Variants in NAPSA observed in about 807,000 individuals in gnomAD.
The protein encoded by NAPSA is napsin-A.
In NAPSA, 37 loss-of-function variants were observed where a neutral mutation model predicts 36.7. The ratio of observed to expected loss-of-function variants is 1.01; its 90% CI spans 0.78 to 1.33. The LOEUF (loss-of-function observed/expected upper bound fraction) is 1.33. NAPSA is among the 40% of genes most tolerant of loss of function. The pLI is 0.00. For missense variants in NAPSA, 532 were observed against 543.8 expected (o/e 0.98, Z 0.21); for synonymous variants, 222 against 234.5 (o/e 0.95, Z 0.49).
At chr19:50,364,343 C>T (rs1170666270) in intron 1 of NAPSA, among the ~76,000 whole-genome samples, 1 of 141,178 alleles carries the variant, frequency 7.1e-6, no homozygotes, top group Non-Finnish European at 1.5e-5. Context: ...AGGCCAGGCG[C>T]GGTGGCTTAC....
At position 50,361,819 on chromosome 19, in the gene NAPSA, A is replaced by G. The variant is rs1393228923; in HGVS notation, c.350-38T>C. The G allele has an allele frequency of 3.8e-6, 6 of 1,585,872 alleles. No homozygotes were observed. In the African/African-American group the frequency reaches 4.0e-5, roughly 11 times the overall value. ...TCAGAAAGGTGTCATGGGGGAGGGA[A>G]TCTCCCCAGTGCCTACTGCCCCTTT... On this transcript the variant is annotated intron_variant, in intron 3 of 8. Coordinates refer to ENST00000253719, the MANE Select transcript of NAPSA (RefSeq NM_004851.3).
chr19:50,359,622 G>A lies in NAPSA; in HGVS notation c.817C>T (p.Leu273Phe), dbSNP rs1568585450. Residue 273 changes from leucine (L) to phenylalanine (F), a missense_variant, in exon 7 of 9, where the codon CTC becomes TTC. Leu to Phe is a conservative substitution (Grantham distance 22). This residue lies in a region of NAPSA where 385 missense variants were observed against 371.5 expected (regional missense o/e 1.04). Coordinates refer to ENST00000253719, the MANE Select transcript of NAPSA (RefSeq NM_004851.3). ...ERVKVGPGLTLCAKGCAAILD... is the reference protein window; with the variant it reads ...ERVKVGPGLTFCAKGCAAILD... Reference sequence around the variant, plus strand: ...ATGGCAGCACAGCCCTTGGCACAGAGAGTCAGCCCTGGGCCCACCTTCACA... The same window carrying A: ...ATGGCAGCACAGCCCTTGGCACAGAAAGTCAGCCCTGGGCCCACCTTCACA... 1 of 1,614,232 alleles carries A rather than the reference G, an allele frequency of 6.2e-7. No individual in the cohort carries two copies. The highest frequency in any genetic ancestry group is 1.3e-5 in the African/African-American group (1 of 75,074).
chr19:50,360,292 C>G (rs1405084111), intron 5 of NAPSA, among the ~76,000 whole-genome samples: 1 of 151,940 alleles, frequency 6.6e-6, no homozygotes, highest in Non-Finnish European at 1.5e-5. Context: ...TGGCTGAGAG[C>G]GATGGGAACA....
rs774738915 is a variant in NAPSA, at chr19:50,363,257, A to G, written c.84-944T>C. Reference sequence around the variant, plus strand: ...GAAGTGTACACCCCTCCCCCTACCAAGAGTTCCAGGGAATGAAGACAAGAG... The same window carrying G: ...GAAGTGTACACCCCTCCCCCTACCAGGAGTTCCAGGGAATGAAGACAAGAG... On this transcript the variant is annotated intron_variant, in intron 1 of 8. Coordinates refer to ENST00000253719, the MANE Select transcript of NAPSA (RefSeq NM_004851.3). 6.4e-4 allele frequency among the ~76,000 whole-genome samples: 98 copies of G among 152,254 alleles called. 1 individual carries two copies. Among genetic ancestry groups the G allele is most frequent in the Middle Eastern group, 3.4e-3 (1 of 294 alleles).
At position 50,360,366 on chromosome 19, in the gene NAPSA, A is replaced by G. The variant is rs145552070; in HGVS notation, c.669-504T>C. On this transcript the variant is annotated intron_variant, in intron 5 of 8. Coordinates refer to ENST00000253719, the MANE Select transcript of NAPSA (RefSeq NM_004851.3). ...CTGCTAGGTGGTTGGTAGAACTGCT[A>G]GAGTGGGTTGGATGTCAGGGTAACT... is the stretch of plus-strand genomic sequence containing the variant. 5.2e-3 allele frequency among the ~76,000 whole-genome samples: 786 copies of G among 152,242 alleles called. 6 individuals are homozygous for G. The highest frequency in any genetic ancestry group is 0.017 in the African/African-American group (719 of 41,548).
chr19:50,360,803 G>A (rs1454078270), intron 5 of NAPSA, 138 bp downstream of exon 5: 1 of 814,198 alleles, frequency 1.2e-6, no homozygotes, highest in African/African-American at 1.7e-5. Context: ...TGTATTGAAT[G>A]GCTGACTTCC....
intron 1 of NAPSA, among the ~76,000 whole-genome samples, chr19:50,363,113 C>T (rs2037499034): frequency 6.6e-6 from 1 of 152,210 alleles, no homozygotes; most frequent in Non-Finnish European, 1.5e-5. Flanking sequence ...GTAATATCTT[C>T]GTTCCTGCCT....
rs1378277536 is a variant in NAPSA, at chr19:50,358,607, A to G, written c.1209T>C (p.Thr403=). Residue 403 remains threonine, a synonymous_variant, in exon 9 of 9, where the codon ACT becomes ACC. Transcript: ENST00000253719. ...CTCCCCATCCGAGGTCCGCTCCGCG[A>G]GTGCGAGCGCGCGCCAGGCCCACCC... The part of the protein sequence containing the change: ...SARVGLARAR[T]RGADLGWGET... The G allele has an allele frequency of 4.3e-6, 7 of 1,612,076 alleles. No homozygotes were observed. Among genetic ancestry groups the G allele is most frequent in the African/African-American group, 1.3e-5 (1 of 75,010 alleles).
chr19:50,368,972 G>A (rs1310191701), upstream of NAPSA, among the ~76,000 whole-genome samples: 1 of 152,220 alleles, frequency 6.6e-6, no homozygotes, highest in Non-Finnish European at 1.5e-5. Context: ...GAGATCTCCT[G>A]CCGAACACGG....
intron 1 of NAPSA, chr19:50,362,558 AAAT>A (rs2123614595): frequency 5.5e-6 from 2 of 360,918 alleles, no homozygotes; most frequent in African/African-American, 4.2e-5. Flanking sequence ...AAATCCCTTA[AAAT>A]AAGCTATTCC....
chr19:50,361,068 C>T lies in NAPSA; in HGVS notation c.541G>A (p.Ala181Thr). 1 of 1,614,132 alleles carries T rather than the reference C, an allele frequency of 6.2e-7. No individual in the cohort carries two copies. Among genetic ancestry groups the T allele is most frequent in the Non-Finnish European group, 8.5e-7 (1 of 1,180,024 alleles). The change falls in exon 5 of 9, where the codon GCC becomes ACC. Residue 181 changes from alanine to threonine, a missense_variant. Transcript: ENST00000253719. ...LWEPSLVFAF[A>T]HFDGILGLGF... ...AGGCCCAATATCCCATCAAAATGGG[C>T]AAAAGCGAAGACCAGGCTGGGCTCC...
intron 1 of NAPSA, chr19:50,362,544 G>T (rs1243402995): frequency 2.6e-6 from 1 of 392,008 alleles, no homozygotes; most frequent in Non-Finnish European, 4.5e-6. Flanking sequence ...ACCTTTCCAT[G>T]TCCAAATCCC....
At chr19:50,368,157 CAAAAAA>C (rs56938224), upstream of NAPSA, among the ~76,000 whole-genome samples, 80 of 64,198 alleles carry the variant, frequency 1.2e-3, no homozygotes, top group African/African-American at 4.5e-3. Context: ...GACTCCCTCT[CAAAAAA>C]AAAAAAAAAA....
chr19:50,362,998 C>T lies in NAPSA; in HGVS notation c.84-685G>A, dbSNP rs369499186. The stretch of plus-strand genomic sequence containing the variant: ...TTTCTAACAAGTTCCCAGGTCATGA[C>T]GATGCTGTTGATACAACATTTGGAG... On this transcript the variant is annotated intron_variant, in intron 1 of 8. Coordinates refer to ENST00000253719, the MANE Select transcript of NAPSA (RefSeq NM_004851.3). Among the ~76,000 whole-genome samples, 12 of 152,240 alleles carry T rather than the reference C, an allele frequency of 7.9e-5. No individual in the cohort carries two copies. In the East Asian group the frequency reaches 1.2e-3, roughly 15 times the overall value.
chr19:50,360,991 C>A lies in NAPSA; in HGVS notation c.618G>T (p.Leu206=). The part of the protein sequence containing the change: ...VEGVRPPMDV[L]VEQGLLDKPV... ...GCTTATCCAATAGCCCCTGCTCCAC[C>A]AGTACATCCATCGGGGGCCGAACTC... The change falls in exon 5 of 9, where the codon CTG becomes CTT. Residue 206 remains leucine, a synonymous_variant. Coordinates refer to ENST00000253719, the MANE Select transcript of NAPSA (RefSeq NM_004851.3). The A allele has an allele frequency of 6.2e-7, 1 of 1,614,148 alleles. No individual in the cohort carries two copies. The highest frequency in any genetic ancestry group is 8.5e-7 in the Non-Finnish European group (1 of 1,180,032).
Position 50,365,531 on chromosome 19 carries a change from C to A in NAPSA, c.83+8G>T. ...CTAAGGTTGGGGTGGTAGATGGGGT[C>A]ACCATACCGGATCAGTGTGGCCCCG... On this transcript the variant is annotated splice_region_variant and intron_variant, in intron 1 of 8. Transcript: ENST00000253719. The A allele has an allele frequency of 1.2e-6, 2 of 1,611,820 alleles. No homozygotes were observed. The highest frequency in any genetic ancestry group is 2.2e-5 in the South Asian group (2 of 90,716).
intron 1 of NAPSA, 108 bp from the exon 2 acceptor site, chr19:50,362,421 A>T: frequency 2.0e-6 from 2 of 1,015,598 alleles, no homozygotes; most frequent in Non-Finnish European, 2.8e-6. Context: ...AAGGCACTAC[A>T]ATAGTAGTCA....
rs1222899244 is a variant in NAPSA, at chr19:50,359,045, C to T, written c.1001G>A (p.Trp334Ter). 3 of 1,613,994 alleles carry T rather than the reference C, an allele frequency of 1.9e-6. No individual in the cohort carries two copies. Among genetic ancestry groups the T allele is most frequent in the Admixed American group, 3.3e-5 (2 of 59,994 alleles). The part of the protein sequence containing the change: ...PAVSFLLGGV[W>*]FNLTAHDYVI... ...GTAATCATGGGCCGTGAGGTTAAAC[C>T]AGACCCCCCCAAGAAGGAAGGAGAC... The change falls in exon 8 of 9, where the codon TGG (tryptophan) becomes TAG (stop). Residue 334 changes from tryptophan (W) to a stop codon, truncating the protein, a stop_gained. Coordinates refer to ENST00000253719, the MANE Select transcript of NAPSA (RefSeq NM_004851.3). LOFTEE classifies it low-confidence loss of function (END_TRUNC).
At chr19:50,364,406 G>C (rs2037516332) in intron 1 of NAPSA, among the ~76,000 whole-genome samples, 2 of 151,510 alleles carry the variant, frequency 1.3e-5, no homozygotes. Flanking sequence ...ACGAGGTCAG[G>C]AGATCGAGAC....
Sources: allele counts gnomAD v4.1 joint callset (sites outside exome capture counted in the v4.1 genomes callset), GRCh38; gene constraint gnomAD v4.1.1; regional missense constraint gnomAD v4.1.1; transcripts MANE v1.5; gene names NCBI Gene and HGNC (gene_info 2026-07-23, HGNC 2026-07-21).